Variants in NRXN1 observed in about 807,000 individuals in gnomAD.
NRXN1 encodes neurexin 1.
In NRXN1, 39 loss-of-function variants were observed where a neutral mutation model predicts 150.9. The ratio of observed to expected loss-of-function variants is 0.26; its 90% confidence interval spans 0.20 to 0.34. The LOEUF (loss-of-function observed/expected upper bound fraction) is 0.34, where lower values mean the gene tolerates loss of function less well. NRXN1 is among the 10% of genes least tolerant of loss of function. The pLI, the probability that NRXN1 is intolerant of heterozygous loss-of-function variation, is 1.00. For missense variants in NRXN1, 1,815 were observed against 1,949.9 expected, an observed-to-expected ratio of 0.93 and a Z score of 1.30; for synonymous variants, 924 against 757.0, an observed-to-expected ratio of 1.22 and a Z score of -3.62.
intron 2 of NRXN1, among the ~76,000 whole-genome samples, chr2:51,004,429 T>G (rs1486803539): frequency 6.6e-6 from 1 of 152,006 alleles, no homozygotes; most frequent in African/African-American, 2.4e-5. Flanking sequence ...TAGCTGAAAT[T>G]TTATTACACA....
intron 21 of NRXN1, among the ~76,000 whole-genome samples, chr2:49,992,253 T>G (rs551225253): frequency 6.6e-6 from 1 of 151,830 alleles, no homozygotes; most frequent in Non-Finnish European, 1.5e-5. Flanking sequence ...AAGAAAAAAC[T>G]TTTGGACCGG....
chr2:50,552,483 A>G, intron 9 of NRXN1, 104 bp downstream of exon 9: 1 of 823,688 alleles, frequency 1.2e-6, no homozygotes. Context: ...CTAAAGAAAC[A>G]AATGCAGGAA....
chr2:50,404,213 C>T (rs2082594884), intron 17 of NRXN1, among the ~76,000 whole-genome samples: 1 of 151,598 alleles, frequency 6.6e-6, no homozygotes, highest in African/African-American at 2.4e-5. Context: ...TTGGTCATAG[C>T]TATGCTCTAT....
chr2:50,374,144 A>G (rs1187591304), intron 17 of NRXN1, among the ~76,000 whole-genome samples: 1 of 151,546 alleles, frequency 6.6e-6, no homozygotes, highest in Non-Finnish European at 1.5e-5. Flanking sequence ...AAGAAGAAAA[A>G]AAAATAGCCG....
At chr2:50,484,969 A>G (rs577020253) in intron 15 of NRXN1, among the ~76,000 whole-genome samples, 50 of 152,310 alleles carry the variant, frequency 3.3e-4, no homozygotes, top group Non-Finnish European at 6.0e-4. Context: ...ATCCTTTCAA[A>G]TATTTTGGCA....
intron 5 of NRXN1, chr2:50,919,638 GT>G (rs1685708813): frequency 6.6e-6 from 1 of 151,584 alleles, no homozygotes; most frequent in African/African-American, 2.4e-5. Flanking sequence ...GGAAACATAA[GT>G]TTACACTGTA....
At chr2:50,154,529 T>A (rs1052756761) in intron 18 of NRXN1, among the ~76,000 whole-genome samples, 13 of 151,642 alleles carry the variant, frequency 8.6e-5, no homozygotes, top group African/African-American at 3.1e-4. Flanking sequence ...GACCATCTAT[T>A]GTTAAAAAAA....
intron 2 of NRXN1, among the ~76,000 whole-genome samples, chr2:50,978,343 G>T (rs558165072): frequency 1.6e-5 from 2 of 128,052 alleles, no homozygotes; most frequent in East Asian, 4.5e-4. Flanking sequence ...TTTTTAAATG[G>T]AATTATAATT....
intron 18 of NRXN1, among the ~76,000 whole-genome samples, chr2:50,185,890 T>C (rs766430621): frequency 5.3e-5 from 8 of 152,124 alleles, no homozygotes; most frequent in Non-Finnish European, 8.8e-5. Context: ...TGGTTTAAAA[T>C]AGTTTTACTC....
chr2:50,620,245 G>C, intron 7 of NRXN1, 62 bp from the exon 8 acceptor site: 2 of 1,496,080 alleles, frequency 1.3e-6, no homozygotes, highest in South Asian at 2.5e-5. Context: ...GTAATCCTGG[G>C]ATATGCCTGT....
chr2:50,765,280 C>A (rs1702252699), intron 5 of NRXN1, among the ~76,000 whole-genome samples: 1 of 152,128 alleles, frequency 6.6e-6, no homozygotes, highest in East Asian at 1.9e-4. Flanking sequence ...ACTACTTAAG[C>A]TTCTGGAATG....
At chr2:50,478,618 C>T (rs2090189425) in intron 15 of NRXN1, among the ~76,000 whole-genome samples, 1 of 152,184 alleles carries the variant, frequency 6.6e-6, no homozygotes, top group African/African-American at 2.4e-5. Context: ...TTTAGCCTTA[C>T]AACAATCTAT....
At chr2:50,248,695 A>G (rs1243955645) in intron 17 of NRXN1, among the ~76,000 whole-genome samples, 2 of 152,174 alleles carry the variant, frequency 1.3e-5, no homozygotes, top group Non-Finnish European at 2.9e-5. Flanking sequence ...AATGTTTTCC[A>G]GTCTTAAAAC....
intron 5 of NRXN1, among the ~76,000 whole-genome samples, chr2:50,629,724 A>C (rs2104384057): frequency 6.6e-6 from 1 of 151,788 alleles, no homozygotes; most frequent in South Asian, 2.1e-4. Flanking sequence ...ATTCCTATTA[A>C]TGCTACTATT....
chr2:50,834,526 C>A (rs1397252552), intron 5 of NRXN1, among the ~76,000 whole-genome samples: 1 of 152,042 alleles, frequency 6.6e-6, no homozygotes, highest in Non-Finnish European at 1.5e-5. Flanking sequence ...CCTAAATGAT[C>A]TGACCAGTTT....
intron 5 of NRXN1, among the ~76,000 whole-genome samples, chr2:50,661,688 T>G (rs1217893379): frequency 6.6e-6 from 1 of 152,082 alleles, no homozygotes; most frequent in Non-Finnish European, 1.5e-5. Flanking sequence ...TCTATACAGC[T>G]AGGGTTTCCC....
chr2:50,134,832 C>G (rs907688527), intron 18 of NRXN1, among the ~76,000 whole-genome samples: 1 of 152,170 alleles, frequency 6.6e-6, no homozygotes, highest in African/African-American at 2.4e-5. Context: ...ATGAAAGCCT[C>G]TAATGGCATT....
intron 16 of NRXN1, among the ~76,000 whole-genome samples, chr2:50,469,615 C>T (rs899911453): frequency 6.6e-6 from 1 of 151,274 alleles, no homozygotes; most frequent in Non-Finnish European, 1.5e-5. Context: ...ATGTGTGAAT[C>T]TCATCAACTG....
intron 5 of NRXN1, among the ~76,000 whole-genome samples, chr2:50,681,414 T>C (rs1255805252): frequency 2.0e-5 from 3 of 152,200 alleles, no homozygotes; most frequent in Non-Finnish European, 2.9e-5. Context: ...TGCTTCTATT[T>C]TGGGAGTCAG....
Sources: gnomAD v4.1 joint callset for allele counts (sites outside exome capture counted in the v4.1 genomes callset) on GRCh38, gnomAD v4.1.1 for gene constraint, MANE v1.5 for transcripts, NCBI Gene and HGNC (gene_info 2026-07-23, HGNC 2026-07-21) for gene names.